GARNL3: variants seen among roughly 807,000 people sequenced by gnomAD.
GARNL3 encodes GTPase-activating Rap/Ran-GAP domain-like protein 3.
Under a neutral mutation model 125.0 loss-of-function variants are expected in GARNL3, and 63 were observed. The ratio of observed to expected loss-of-function variants is 0.50; its 90% CI spans 0.41 to 0.62. The LOEUF is 0.62. GARNL3 is among the 20% of genes least tolerant of loss of function. GARNL3 has a pLI of 0.00. For missense variants in GARNL3, 994 were observed against 1,244.0 expected, an observed-to-expected ratio of 0.80 and a Z score of 3.02; for synonymous variants, 439 against 457.5, an observed-to-expected ratio of 0.96 and a Z score of 0.52.
chr9:127,342,194 C>A (rs1480706401), intron 13 of GARNL3, 25 bp from the exon 14 acceptor site: 2 of 1,311,360 alleles, frequency 1.5e-6, no homozygotes, highest in South Asian at 1.2e-5. Context: ...TCTTGTAATT[C>A]CCTTTTTAAC....
chr9:127,339,966 G>A (rs1488582726), intron 13 of GARNL3, among the ~76,000 whole-genome samples: 1 of 152,080 alleles, frequency 6.6e-6, no homozygotes, highest in East Asian at 1.9e-4. Flanking sequence ...CTGCCTTGAA[G>A]CTTCTCTACA....
intron 2 of GARNL3, among the ~76,000 whole-genome samples, chr9:127,293,383 GA>G (rs1235265606): frequency 2.0e-5 from 3 of 152,114 alleles, no homozygotes. Flanking sequence ...ATATGATTGG[GA>G]AAAGTTTTCT....
At chr9:127,332,683 G>A (rs551992553) in intron 8 of GARNL3, among the ~76,000 whole-genome samples, 23 of 152,254 alleles carry the variant, frequency 1.5e-4, no homozygotes, top group South Asian at 6.2e-4. Flanking sequence ...ATAAGATGGC[G>A]TCATCTTCCT....
upstream of GARNL3, among the ~76,000 whole-genome samples, chr9:127,261,925 C>G (rs929855025): frequency 1.3e-5 from 2 of 152,286 alleles, no homozygotes; most frequent in Admixed American, 6.5e-5. Flanking sequence ...TGAAGAACCT[C>G]GCTAAGTTCA....
In GARNL3 at chr9:127,318,604, G is replaced by GACGTTA. The variant is rs959183679; in HGVS notation, c.503+478_503+479insCGTTAA. On this transcript the variant is annotated intron_variant, in intron 5 of 27. Transcript: ENST00000373387. The stretch of plus-strand genomic sequence containing the variant: ...GAATGTACTTATTCTTCGCCAGACA[G>GACGTTA]AACGTTAAATGGATGGAACATCTGG... Among the ~76,000 whole-genome samples the GACGTTA allele has an allele frequency of 1.2e-4, 19 of 152,170 alleles. 1 individual carries two copies. Among genetic ancestry groups the GACGTTA allele is most frequent in the Admixed American group, 1.1e-3 (17 of 15,282 alleles).
At chr9:127,232,333 G>A (rs2063033260) in intron 1 of GARNL3, among the ~76,000 whole-genome samples, 1 of 152,180 alleles carries the variant, frequency 6.6e-6, no homozygotes, top group Non-Finnish European at 1.5e-5. Flanking sequence ...TTAAAAGACA[G>A]ATTCTCACTC....
intron 2 of GARNL3, among the ~76,000 whole-genome samples, chr9:127,296,461 T>G (rs897699066): frequency 2.0e-5 from 3 of 147,218 alleles, no homozygotes; most frequent in Admixed American, 6.8e-5. Context: ...CAGGTAGGCA[T>G]GACTTTTTTT....
intron 4 of GARNL3, among the ~76,000 whole-genome samples, chr9:127,317,809 T>C (rs2065282718): frequency 6.6e-6 from 1 of 152,178 alleles, no homozygotes; most frequent in Admixed American, 6.5e-5. Context: ...CTCTCCATAA[T>C]ACCTAAGACA....
upstream of GARNL3, chr9:127,264,072 AATTTT>A (rs1462241312): frequency 1.1e-6 from 1 of 928,614 alleles, no homozygotes; most frequent in Non-Finnish European, 1.6e-6. Flanking sequence ...ATTCCTATAT[AATTTT>A]ATTTTCTATG....
In GARNL3 at chr9:127,389,073, C is replaced by T. The variant is rs373796399; in HGVS notation, c.2697C>T (p.Arg899=). The change falls in exon 26 of 28, where the codon CGC becomes CGT. Residue 899 remains arginine, a synonymous_variant. Transcript: ENST00000373387. ...IPVTHSLSLS[R]MEIKEIASRT... The stretch of plus-strand genomic sequence containing the variant: ...TCACGCACTCCTTGTCCCTGTCTCG[C>T]ATGGAGATCAAAGAAATAGCAAGCA... 8.7e-6 allele frequency: 14 copies of T among 1,614,008 alleles called. No homozygotes were observed. Among genetic ancestry groups the T allele is most frequent in the African/African-American group, 6.7e-5 (5 of 74,888 alleles).
intron 7 of GARNL3, among the ~76,000 whole-genome samples, 161 bp from the exon 8 acceptor site, chr9:127,332,113 G>T (rs1367280087): frequency 2.0e-5 from 3 of 152,306 alleles, no homozygotes; most frequent in East Asian, 1.9e-4. Context: ...AGGAATGATT[G>T]TTGTTAACAT....
chr9:127,317,781 G>T (rs933674937), intron 4 of GARNL3, among the ~76,000 whole-genome samples: 2 of 152,110 alleles, frequency 1.3e-5, no homozygotes, highest in South Asian at 2.1e-4. Flanking sequence ...TTCTCATCTG[G>T]TTCAGATGGC....
chr9:127,247,649 G>C (rs778908259), intron 2 of GARNL3, among the ~76,000 whole-genome samples: 2 of 151,768 alleles, frequency 1.3e-5, no homozygotes, highest in African/African-American at 2.4e-5. Flanking sequence ...AGTTTTTGTG[G>C]GTACATAGTA....
At chr9:127,267,411 C>T (rs186742491) in intron 1 of GARNL3, among the ~76,000 whole-genome samples, 19 of 152,154 alleles carry the variant, frequency 1.2e-4, no homozygotes, top group East Asian at 7.7e-4. Flanking sequence ...AATTTAATTT[C>T]GCATTCTTCT....
intron 17 of GARNL3, among the ~76,000 whole-genome samples, chr9:127,353,219 T>G (rs766921270): frequency 1.3e-5 from 2 of 152,224 alleles, no homozygotes; most frequent in Non-Finnish European, 2.9e-5. Context: ...TTTTGGCAAT[T>G]TAGTTAATAT....
At chr9:127,260,283 G>C (rs562696875), upstream of GARNL3, among the ~76,000 whole-genome samples, 249 of 152,302 alleles carry the variant, frequency 1.6e-3, 3 homozygotes, top group South Asian at 0.014. Flanking sequence ...TGAGTCATCT[G>C]GAAAAGGAAT....
chr9:127,341,393 A>G (rs553491630), intron 13 of GARNL3, among the ~76,000 whole-genome samples: 59 of 152,324 alleles, frequency 3.9e-4, no homozygotes, highest in African/African-American at 1.3e-3. Context: ...CACTCCATCC[A>G]GCTGAGGCCT....
At chr9:127,276,208 G>A (rs553687684) in intron 1 of GARNL3, among the ~76,000 whole-genome samples, 2 of 151,534 alleles carry the variant, frequency 1.3e-5, no homozygotes, top group South Asian at 4.2e-4. Context: ...GGCTGATCTC[G>A]GACTCCTGGT....
At chr9:127,321,718 G>A (rs1588850986) in intron 6 of GARNL3, among the ~76,000 whole-genome samples, 1 of 152,228 alleles carries the variant, frequency 6.6e-6, no homozygotes, top group African/African-American at 2.4e-5. Flanking sequence ...TGCCTGTCAT[G>A]TGTGAAGCTG....
Sources: gnomAD v4.1 joint callset for allele counts (sites outside exome capture counted in the v4.1 genomes callset) on GRCh38, gnomAD v4.1.1 for gene constraint, MANE v1.5 for transcripts, NCBI Gene and HGNC (gene_info 2026-07-23, HGNC 2026-07-21) for gene names.